Variants in CSMD1 observed in about 807,000 individuals in gnomAD.
CSMD1 encodes CUB and Sushi multiple domains 1.
A neutral mutation model predicts 417.5 loss-of-function variants in CSMD1; 213 were observed. The ratio of observed to expected loss-of-function variants is 0.51; its 90% CI spans 0.46 to 0.57. The LOEUF (loss-of-function observed/expected upper bound fraction) is 0.57, where lower values mean the gene tolerates loss of function less well. Ranked by LOEUF, CSMD1 falls within the 20% of genes least tolerant of loss-of-function variation. The probability of loss-of-function intolerance (pLI) is 0.00; values close to 1 mark genes in which losing one functional copy is unlikely to be tolerated. For synonymous variants in CSMD1, 2,862 were observed against 1,736.8 expected (o/e 1.65, Z -16.11); for missense variants, 6,923 against 4,529.7 (o/e 1.53, Z -15.17).
At chr8:3,652,487 G>T (rs1043284826) in intron 7 of CSMD1, among the ~76,000 whole-genome samples, 6 of 152,232 alleles carry the variant, frequency 3.9e-5, no homozygotes, top group African/African-American at 1.4e-4. Flanking sequence ...CTGAGACTGG[G>T]TATTTTATAA....
intron 10 of CSMD1, among the ~76,000 whole-genome samples, chr8:3,549,603 G>A (rs185601706): frequency 2.0e-5 from 3 of 152,160 alleles, no homozygotes; most frequent in African/African-American, 7.2e-5. Context: ...TTGTGAGAGT[G>A]TGGCTTTTTA....
At chr8:4,055,309 T>C (rs919239342) in intron 3 of CSMD1, among the ~76,000 whole-genome samples, 3 of 152,152 alleles carry the variant, frequency 2.0e-5, no homozygotes, top group Non-Finnish European at 4.4e-5. Context: ...GATTCCAATG[T>C]CTCCTTCTCT....
chr8:4,871,351 T>G (rs561361452), intron 1 of CSMD1, among the ~76,000 whole-genome samples: 33 of 152,240 alleles, frequency 2.2e-4, no homozygotes, highest in African/African-American at 7.7e-4. Context: ...CTATGCATAT[T>G]GATATAAATG....
Position 3,891,620 on chromosome 8 carries a change from C to T in CSMD1, c.818+106283G>A, listed in dbSNP as rs144566012. Among the ~76,000 whole-genome samples, 4 of 151,982 alleles carry T rather than the reference C, an allele frequency of 2.6e-5. No individual in the cohort carries two copies. In the East Asian group the frequency reaches 7.8e-4, roughly 30 times the overall value. ...ATTGTTTGAGCCCAGGAGGTCCAGGCTTCAGTGAGCTGTGATCACACCACT... is the reference window on the plus strand; with the variant it reads ...ATTGTTTGAGCCCAGGAGGTCCAGGTTTCAGTGAGCTGTGATCACACCACT... On this transcript the variant is annotated intron_variant, in intron 5 of 69. Coordinates refer to ENST00000635120, the MANE Select transcript of CSMD1 (RefSeq NM_033225.6).
At chr8:4,141,660 T>C (rs532971535) in intron 3 of CSMD1, among the ~76,000 whole-genome samples, 1 of 150,424 alleles carries the variant, frequency 6.6e-6, no homozygotes, top group South Asian at 2.1e-4. Flanking sequence ...AATCTCCAGA[T>C]CTCTAAACTT....
rs1801573007 is a variant in CSMD1 at position 2,937,530 on chromosome 8, T to C, written c.*1055A>G. 1 of 151,774 alleles carries C rather than the reference T, an allele frequency of 6.6e-6. No individual in the cohort carries two copies. The highest frequency in any genetic ancestry group is 1.5e-5 in the Non-Finnish European group (1 of 67,990). The allele number at this position is 151,774 out of a possible 1,614,324, so 9.4% of individuals were successfully genotyped here. On this transcript the variant is annotated 3_prime_UTR_variant, in exon 70 of 70. Transcript: ENST00000635120. ...AGTTCATCGACTATCTAAAATAAAT[T>C]ACTATTCACAGTTTTACATGGCAAA... is the stretch of plus-strand genomic sequence containing the variant.
intron 2 of CSMD1, among the ~76,000 whole-genome samples, chr8:4,556,655 A>T (rs530948464): frequency 6.6e-6 from 1 of 152,234 alleles, no homozygotes; most frequent in Non-Finnish European, 1.5e-5. Context: ...GGATAGTGAT[A>T]GTGCAATGCA....
chr8:4,187,542 A>G (rs1421506366), intron 3 of CSMD1, among the ~76,000 whole-genome samples: 1 of 151,938 alleles, frequency 6.6e-6, no homozygotes, highest in Non-Finnish European at 1.5e-5. Context: ...TACTTGGGAG[A>G]CTCAGGTAGG....
intron 1 of CSMD1, among the ~76,000 whole-genome samples, chr8:4,685,525 G>A (rs911225363): frequency 6.6e-6 from 1 of 151,920 alleles, no homozygotes; most frequent in Admixed American, 6.6e-5. Flanking sequence ...GCAGTGAGTC[G>A]AGATCACACC....
intron 1 of CSMD1, among the ~76,000 whole-genome samples, chr8:4,969,636 ATGT>A (rs1048429793): frequency 3.3e-5 from 5 of 152,016 alleles, no homozygotes; most frequent in African/African-American, 7.2e-5. Flanking sequence ...GCTTTTGAAC[ATGT>A]TGTTCATTTT....
intron 3 of CSMD1, among the ~76,000 whole-genome samples, chr8:4,366,762 G>A (rs1042563541): frequency 1.3e-5 from 2 of 151,934 alleles, no homozygotes; most frequent in East Asian, 1.9e-4. Context: ...CAACGTGCAC[G>A]TTAGTTACAT....
At position 4,466,268 on chromosome 8, in the gene CSMD1, A is replaced by G. The variant is rs375678558; in HGVS notation, c.303-46203T>C. Among the ~76,000 whole-genome samples the G allele has an allele frequency of 3.1e-4, 47 of 152,264 alleles. 1 individual carries two copies. In the East Asian group the frequency reaches 6.4e-3, roughly 21 times the overall value. On this transcript the variant is annotated intron_variant, in intron 2 of 69. Coordinates refer to ENST00000635120, the MANE Select transcript of CSMD1 (RefSeq NM_033225.6). ...CAGATAACCACAGATCAGTGGAAGA[A>G]TAAGCTTGATGAGGAAGAAAACAGA... is the stretch of plus-strand genomic sequence containing the variant.
chr8:3,313,957 C>T (rs1805557425), intron 23 of CSMD1, among the ~76,000 whole-genome samples: 1 of 152,168 alleles, frequency 6.6e-6, no homozygotes, highest in Non-Finnish European at 1.5e-5. Context: ...ATGATGAGTT[C>T]ATGTCCTTTG....
intron 5 of CSMD1, among the ~76,000 whole-genome samples, chr8:3,768,497 A>G (rs978777862): frequency 6.6e-6 from 1 of 152,232 alleles, no homozygotes; most frequent in Non-Finnish European, 1.5e-5. Flanking sequence ...TTTATGCCAT[A>G]AACAAGAATA....
chr8:4,994,683 G>A lies in CSMD1; in HGVS notation c.-267C>T. 4.9e-6 allele frequency: 2 copies of A among 404,544 alleles called. No individual in the cohort carries two copies. The highest frequency in any genetic ancestry group is 3.9e-5 in the South Asian group (1 of 25,510). 25.1% of individuals were successfully genotyped at this position (404,544 alleles called of 1,614,324 possible). On this transcript the variant is annotated 5_prime_UTR_variant, in exon 1 of 70. Transcript: ENST00000635120. ...GGGCCGGGGCCGGGGACGAGCGCCG[G>A]CCGAGCCGGGCAGGAAGGCACCAAG...
chr8:3,739,368 T>A (rs1796682022), intron 6 of CSMD1, among the ~76,000 whole-genome samples: 1 of 152,216 alleles, frequency 6.6e-6, no homozygotes, highest in Non-Finnish European at 1.5e-5. Flanking sequence ...GTTAACCACT[T>A]ATTACACGTT....
At chr8:4,357,564 G>C (rs528961761) in intron 3 of CSMD1, among the ~76,000 whole-genome samples, 1 of 152,036 alleles carries the variant, frequency 6.6e-6, no homozygotes, top group Non-Finnish European at 1.5e-5. Flanking sequence ...AAAAAAATCT[G>C]TCATTCTCCA....
intron 3 of CSMD1, among the ~76,000 whole-genome samples, chr8:4,215,514 T>C (rs1161776067): frequency 6.6e-6 from 1 of 152,132 alleles, no homozygotes; most frequent in African/African-American, 2.4e-5. Flanking sequence ...AGAGTTTTTT[T>C]TTTTTCTTCC....
At chr8:3,339,855 A>G (rs1807526798) in intron 23 of CSMD1, among the ~76,000 whole-genome samples, 1 of 152,204 alleles carries the variant, frequency 6.6e-6, no homozygotes, top group Non-Finnish European at 1.5e-5. Flanking sequence ...ATTGGACATC[A>G]TTATACACCA....
Sources: allele counts gnomAD v4.1 joint callset (sites outside exome capture counted in the v4.1 genomes callset), GRCh38; gene constraint gnomAD v4.1.1; transcripts MANE v1.5; gene names NCBI Gene and HGNC (gene_info 2026-07-23, HGNC 2026-07-21).